Variants in TBXAS1 observed in about 807,000 individuals in gnomAD.
TBXAS1 encodes the protein thromboxane-A synthase.
Under a neutral mutation model 60.7 loss-of-function variants are expected in TBXAS1, and 48 were observed. The observed-to-expected ratio is 0.79, with a 90% CI of 0.63 to 1.01. TBXAS1 has a LOEUF of 1.01. Ranked by LOEUF, TBXAS1 falls within the 50% of genes least tolerant of loss-of-function variation. The pLI is 0.00. For synonymous variants in TBXAS1, 287 were observed against 269.7 expected, an observed-to-expected ratio of 1.06 and a Z score of -0.63; for missense variants, 685 against 686.3, an observed-to-expected ratio of 1.00 and a Z score of 0.02.
At chr7:139,848,920 G>C (rs550627562) in intron 1 of TBXAS1, among the ~76,000 whole-genome samples, 22 of 152,260 alleles carry the variant, frequency 1.4e-4, no homozygotes, top group African/African-American at 4.8e-4. Context: ...AGATTACACA[G>C]CTGGATTCTG....
chr7:139,864,238 G>A (rs1221258172), intron 1 of TBXAS1, among the ~76,000 whole-genome samples: 1 of 148,278 alleles, frequency 6.7e-6, no homozygotes, highest in Non-Finnish European at 1.5e-5. Flanking sequence ...TGATTACAAC[G>A]CTGGCATTAA....
intron 4 of TBXAS1, chr7:139,789,582 G>A (rs896717843): frequency 6.6e-6 from 1 of 151,312 alleles, no homozygotes; most frequent in Non-Finnish European, 1.5e-5. Flanking sequence ...CTGACCCAAC[G>A]GCTAGGATCT....
chr7:139,782,040 G>A (rs995251427), intron 2 of TBXAS1, among the ~76,000 whole-genome samples: 1 of 151,588 alleles, frequency 6.6e-6, no homozygotes, highest in African/African-American at 2.4e-5. Flanking sequence ...ACCAGAGATT[G>A]CTCCAAGCAG....
At chr7:139,955,632 G>T in intron 7 of TBXAS1, 25 bp downstream of exon 7, 1 of 1,613,152 alleles carries the variant, frequency 6.2e-7, no homozygotes, top group Non-Finnish European at 8.5e-7. Flanking sequence ...AGCCCGGGGC[G>T]CTGCGATGAC....
chr7:139,836,425 A>C (rs1427572292), intron 1 of TBXAS1, among the ~76,000 whole-genome samples: 2 of 152,238 alleles, frequency 1.3e-5, no homozygotes, highest in South Asian at 2.1e-4. Flanking sequence ...CTATACTATA[A>C]GCCCATCATC....
intron 3 of TBXAS1, among the ~76,000 whole-genome samples, chr7:139,910,286 G>A (rs145271926): frequency 2.2e-4 from 34 of 152,214 alleles, no homozygotes; most frequent in Admixed American, 5.9e-4. Flanking sequence ...TAGAGTTCAC[G>A]CCACCAGCTG....
chr7:139,825,363 T>A (rs1243635068), upstream of TBXAS1, among the ~76,000 whole-genome samples: 2 of 152,182 alleles, frequency 1.3e-5, no homozygotes, highest in East Asian at 3.8e-4. Context: ...GCTAATTTAC[T>A]GTCCACAATT....
chr7:139,863,170 C>G (rs567510895), intron 1 of TBXAS1, among the ~76,000 whole-genome samples: 13 of 152,124 alleles, frequency 8.5e-5, no homozygotes, highest in Admixed American at 8.5e-4. Context: ...AAACTAAAAA[C>G]TATTGTAAAT....
intron 1 of TBXAS1, among the ~76,000 whole-genome samples, chr7:139,838,274 C>T (rs1799198728): frequency 6.6e-6 from 1 of 152,166 alleles, no homozygotes; most frequent in Admixed American, 6.5e-5. Flanking sequence ...TTTCTGTTTC[C>T]AAAGGCACTG....
chr7:139,871,853 A>G (rs2116807863), intron 1 of TBXAS1, among the ~76,000 whole-genome samples: 1 of 152,218 alleles, frequency 6.6e-6, no homozygotes. Context: ...TAGTTTTTTT[A>G]CCTTGCCTTC....
upstream of TBXAS1, among the ~76,000 whole-genome samples, chr7:139,825,132 G>A (rs1347085952): frequency 1.3e-5 from 1 of 76,384 alleles, no homozygotes; most frequent in Admixed American, 1.3e-4. Flanking sequence ...CCCAGCCTGA[G>A]TTGATTTTTT....
At chr7:139,929,609 G>C (rs1052332632) in intron 4 of TBXAS1, among the ~76,000 whole-genome samples, 4 of 152,184 alleles carry the variant, frequency 2.6e-5, no homozygotes, top group Admixed American at 2.0e-4. Flanking sequence ...AAGAAATTTA[G>C]AACTCATATC....
At chr7:140,001,114 G>C (rs939011171) in intron 9 of TBXAS1, among the ~76,000 whole-genome samples, 13 of 152,206 alleles carry the variant, frequency 8.5e-5, no homozygotes. Context: ...GTCAAGGGGA[G>C]GCGCTGCAGG....
chr7:139,958,430 A>G (rs1810048125), intron 8 of TBXAS1, among the ~76,000 whole-genome samples: 1 of 152,234 alleles, frequency 6.6e-6, no homozygotes, highest in Admixed American at 6.5e-5. Flanking sequence ...AAGAAAGGTC[A>G]TTTCAATACT....
At chr7:139,889,201 A>G (rs992149911) in intron 3 of TBXAS1, among the ~76,000 whole-genome samples, 6 of 151,872 alleles carry the variant, frequency 4.0e-5, no homozygotes, top group African/African-American at 1.5e-4. Flanking sequence ...GTGTGGTGGC[A>G]TGTGCGCCTG....
At position 139,911,220 on chromosome 7, in the gene TBXAS1, C is replaced by T; in HGVS notation, c.237-5C>T. 5 of 1,613,820 alleles carry T rather than the reference C, an allele frequency of 3.1e-6. No homozygotes were observed. Among genetic ancestry groups the T allele is most frequent in the Non-Finnish European group, 4.2e-6 (5 of 1,179,760 alleles). ...ACATTTTAATGCATTTTTTATTCCT[C>T]CCAGGTACTATCTTGGTCGTCGGAT... On this transcript the variant is annotated splice_region_variant and splice_polypyrimidine_tract_variant and intron_variant, in intron 3 of 12. Coordinates refer to ENST00000448866, the MANE Select transcript of TBXAS1 (RefSeq NM_001061.7).
chr7:139,948,244 T>C (rs1250037478), intron 5 of TBXAS1, among the ~76,000 whole-genome samples: 1 of 152,168 alleles, frequency 6.6e-6, no homozygotes, highest in African/African-American at 2.4e-5. Flanking sequence ...TTCTGGTTTG[T>C]GGGTAGCCGC....
At chr7:139,845,537 C>G (rs1036287881) in intron 1 of TBXAS1, among the ~76,000 whole-genome samples, 1 of 152,166 alleles carries the variant, frequency 6.6e-6, no homozygotes, top group African/African-American at 2.4e-5. Flanking sequence ...CATCACTTAC[C>G]TGGCTCCCCA....
intron 11 of TBXAS1, 108 bp downstream of exon 11, chr7:140,015,968 C>G: frequency 6.8e-7 from 1 of 1,461,518 alleles, no homozygotes; most frequent in East Asian, 2.3e-5. Flanking sequence ...AAATTGTCCC[C>G]AAATAGTCAA....
Sources: allele counts gnomAD v4.1 joint callset (sites outside exome capture counted in the v4.1 genomes callset), GRCh38; gene constraint gnomAD v4.1.1; transcripts MANE v1.5; gene names NCBI Gene and HGNC (gene_info 2026-07-23, HGNC 2026-07-21).